Variants in PDCD1 observed in about 807,000 individuals in gnomAD.
PDCD1 encodes programmed cell death protein 1.
In PDCD1, 10 loss-of-function variants were observed where a neutral mutation model predicts 23.6. The ratio of observed to expected loss-of-function variants is 0.42; its 90% CI spans 0.26 to 0.72. The LOEUF (loss-of-function observed/expected upper bound fraction) is 0.72. Ranked by LOEUF, PDCD1 falls within the 30% of genes least tolerant of loss-of-function variation. PDCD1 has a pLI of 0.24. For missense variants in PDCD1, 313 were observed against 397.8 expected, an observed-to-expected ratio of 0.79 and a Z score of 1.81; for synonymous variants, 168 against 169.3, an observed-to-expected ratio of 0.99 and a Z score of 0.06.
chr2:241,853,002 G>A lies in PDCD1; in HGVS notation c.77-22C>T, dbSNP rs1700940358. ...GAGTCTGAGAGATGGAGAGAGGTGA[G>A]GAAGGGGCTGGGTGGCCCCACAAAG... On this transcript the variant is annotated intron_variant, in intron 1 of 4. Coordinates refer to ENST00000334409, the MANE Select transcript of PDCD1 (RefSeq NM_005018.3). 1.3e-6 allele frequency: 2 copies of A among 1,535,876 alleles called. 1 individual carries two copies. The highest frequency in any genetic ancestry group is 3.4e-4 in the Middle Eastern group (2 of 5,816).
chr2:241,857,997 A>T (rs893854313), intron 1 of PDCD1, among the ~76,000 whole-genome samples: 3 of 152,138 alleles, frequency 2.0e-5, no homozygotes, highest in Non-Finnish European at 4.4e-5. Flanking sequence ...GTCACAGTGT[A>T]CACAGAGGGC....
Position 241,850,927 on chromosome 2 carries a change from G to T in PDCD1, c.*131C>A, listed in dbSNP as rs372852820. The T allele has an allele frequency of 1.7e-6, 2 of 1,189,842 alleles. No individual in the cohort carries two copies. The highest frequency in any genetic ancestry group is 5.4e-5 in the Admixed American group (2 of 36,846). 73.7% of individuals were successfully genotyped at this position (1,189,842 alleles called of 1,614,324 possible). On this transcript the variant is annotated 3_prime_UTR_variant, in exon 5 of 5. Coordinates refer to ENST00000334409, the MANE Select transcript of PDCD1 (RefSeq NM_005018.3). The stretch of plus-strand genomic sequence containing the variant: ...TGGTGCAGGTGCAGGCTGGAGCCCC[G>T]GTCGCCCCCAGGCAGCTCAGCCCCT...
chr2:241,852,671 G>A lies in PDCD1; in HGVS notation c.386C>T (p.Ala129Val), dbSNP rs985470026. The A allele has an allele frequency of 6.8e-6, 11 of 1,613,198 alleles. No individual in the cohort carries two copies. The highest frequency in any genetic ancestry group is 2.7e-5 in the African/African-American group (2 of 74,920). The part of the protein sequence containing the change: ...GTYLCGAISL[A>V]PKAQIKESLR... ...GCTCTCTTTGATCTGCGCCTTGGGG[G>A]CCAGGGAGATGGCCCCACAGAGGTA... The change falls in exon 2 of 5, where the codon GCC (alanine) becomes GTC (valine). Residue 129 changes from alanine (A) to valine (V), a missense_variant. Transcript: ENST00000334409.
intron 3 of PDCD1, 107 bp from the exon 4 acceptor site, chr2:241,852,090 T>TG (rs1700914312): frequency 1.8e-5 from 4 of 221,308 alleles, no homozygotes; most frequent in East Asian, 2.9e-4. Context: ...GGCGGGGAGA[T>TG]GGGGGGAGGT....
intron 1 of PDCD1, among the ~76,000 whole-genome samples, chr2:241,854,278 C>A (rs2124864579): frequency 6.6e-6 from 1 of 152,360 alleles, no homozygotes; most frequent in South Asian, 2.1e-4. Context: ...CACCTGCGTG[C>A]CTGTCCCCCA....
chr2:241,857,957 C>T (rs200085104), intron 1 of PDCD1, among the ~76,000 whole-genome samples: 7 of 135,206 alleles, frequency 5.2e-5, no homozygotes, highest in Middle Eastern at 3.5e-3. Context: ...GAGGGCCAGC[C>T]GGGCACAGAG....
chr2:241,851,186 C>T lies in PDCD1; in HGVS notation c.739G>A (p.Glu247Lys). Residue 247 changes from glutamate (E) to lysine (K), a missense_variant, in exon 5 of 5, where the codon GAG (glutamate) becomes AAG (lysine). By Grantham distance (56) the Glu-to-Lys change is moderately conservative. Around this residue, in one of 3 missense-constraint regions of PDCD1, gnomAD observed 158 missense variants for 177.5 expected, o/e 0.89. Transcript: ENST00000334409. ...PPVPCVPEQTEYATIVFPSGM... is the reference protein window; with the variant it reads ...PPVPCVPEQTKYATIVFPSGM... The stretch of plus-strand genomic sequence containing the variant: ...CTAGGAAAGACAATGGTGGCATACT[C>T]CGTCTGCTCAGGGACACAGGGCACG... 1 of 1,613,724 alleles carries T rather than the reference C, an allele frequency of 6.2e-7. No individual in the cohort carries two copies. The highest frequency in any genetic ancestry group is 8.5e-7 in the Non-Finnish European group (1 of 1,180,000).
rs572684074 is a variant in PDCD1, at chr2:241,857,454, C to CG, written c.76+1308dup. Among the ~76,000 whole-genome samples, 21 of 152,268 alleles carry CG rather than the reference C, an allele frequency of 1.4e-4. No homozygotes were observed. In the East Asian group the frequency reaches 2.3e-3, roughly 17 times the overall value. The stretch of plus-strand genomic sequence containing the variant: ...AGGGCGTGCCTGAAGAGCCGGGACA[C>CG]GGGGGGAGAGGCTCGGCTCCCCTCC... On this transcript the variant is annotated intron_variant, in intron 1 of 4. Coordinates refer to ENST00000334409, the MANE Select transcript of PDCD1 (RefSeq NM_005018.3).
chr2:241,851,173 A>G lies in PDCD1; in HGVS notation c.752T>C (p.Ile251Thr), dbSNP rs2124856153. 6.2e-7 allele frequency: 1 copy of G among 1,613,446 alleles called. No individual in the cohort carries two copies. Among genetic ancestry groups the G allele is most frequent in the Non-Finnish European group, 8.5e-7 (1 of 1,179,912 alleles). Residue 251 changes from isoleucine to threonine, a missense_variant, in exon 5 of 5, where the codon ATT (isoleucine) becomes ACT (threonine). This residue lies in a region of PDCD1 where 158 missense variants were observed against 177.5 expected (regional missense o/e 0.89). Coordinates refer to ENST00000334409, the MANE Select transcript of PDCD1 (RefSeq NM_005018.3). ...CVPEQTEYAT[I>T]VFPSGMGTSS... ...GGTGCCCATTCCGCTAGGAAAGACA[A>G]TGGTGGCATACTCCGTCTGCTCAGG... is the stretch of plus-strand genomic sequence containing the variant.
chr2:241,856,005 TG>T (rs1427530104), intron 1 of PDCD1, among the ~76,000 whole-genome samples: 1 of 152,182 alleles, frequency 6.6e-6, no homozygotes, highest in Non-Finnish European at 1.5e-5. Context: ...GGCACAGGGC[TG>T]GGTGGCCATT....
chr2:241,852,063 C>A, intron 3 of PDCD1, 80 bp from the exon 4 acceptor site: 1 of 1,367,728 alleles, frequency 7.3e-7, no homozygotes. Flanking sequence ...CAGGGGCCTT[C>A]ATCAGGGACT....
At chr2:241,855,888 C>A (rs1701014666) in intron 1 of PDCD1, among the ~76,000 whole-genome samples, 1 of 152,184 alleles carries the variant, frequency 6.6e-6, no homozygotes, top group South Asian at 2.1e-4. Context: ...GGGCTGTGGG[C>A]CGAACCGTGT....
At chr2:241,852,100 T>C (rs879019464) in intron 3 of PDCD1, 98 bp downstream of exon 3, 2 of 236,614 alleles carry the variant, frequency 8.5e-6, no homozygotes, top group African/African-American at 1.1e-4. Flanking sequence ...TGGGGGGAGG[T>C]GGGGTGGGGT....
intron 1 of PDCD1, among the ~76,000 whole-genome samples, chr2:241,855,181 C>T (rs908472872): frequency 2.0e-5 from 3 of 152,058 alleles, no homozygotes; most frequent in African/African-American, 4.8e-5. Flanking sequence ...GCCCCTCGGC[C>T]TCCCCTGCCT....
rs116529638 is a variant in PDCD1, at chr2:241,855,214, G to C, written c.77-2234C>G. Among the ~76,000 whole-genome samples the C allele has an allele frequency of 8.4e-3, 1,283 of 151,934 alleles. 24 individuals are homozygous for C. The highest frequency in any genetic ancestry group is 0.03 in the African/African-American group (1,240 of 41,420). On this transcript the variant is annotated intron_variant, in intron 1 of 4. Transcript: ENST00000334409. Reference sequence around the variant, plus strand: ...CCTCCACCAACTGGCTGGGTGGGGTGGGGGCTAGACCTCGGTGTCTGCAGT... The same window carrying C: ...CCTCCACCAACTGGCTGGGTGGGGTCGGGGCTAGACCTCGGTGTCTGCAGT...
Position 241,852,665 on chromosome 2 carries a change from T to C in PDCD1, c.392A>G (p.Lys131Arg). ...CCGCAGGCTCTCTTTGATCTGCGCCTTGGGGGCCAGGGAGATGGCCCCACA... is the reference window on the plus strand; with the variant it reads ...CCGCAGGCTCTCTTTGATCTGCGCCCTGGGGGCCAGGGAGATGGCCCCACA... ...YLCGAISLAP[K>R]AQIKESLRAE... The change falls in exon 2 of 5, where the codon AAG becomes AGG. Residue 131 changes from lysine (K) to arginine (R), a missense_variant. This residue lies in a region of PDCD1 where 20 missense variants were observed against 53.3 expected (regional missense o/e 0.38). Coordinates refer to ENST00000334409, the MANE Select transcript of PDCD1 (RefSeq NM_005018.3). The C allele has an allele frequency of 6.2e-7, 1 of 1,613,238 alleles. No homozygotes were observed. The highest frequency in any genetic ancestry group is 8.5e-7 in the Non-Finnish European group (1 of 1,179,886).
rs980073650 is a variant in PDCD1, at chr2:241,850,325, G to A, written c.*733C>T. 8.5e-6 allele frequency: 2 copies of A among 234,760 alleles called. No individual in the cohort carries two copies. Among genetic ancestry groups the A allele is most frequent in the Non-Finnish European group, 1.7e-5 (2 of 119,104 alleles). 14.5% of individuals were successfully genotyped at this position (234,760 alleles called of 1,614,324 possible). A position where few individuals can be genotyped will look rare whatever the true frequency, so the allele number is the denominator to read the frequency against. On this transcript the variant is annotated 3_prime_UTR_variant, in exon 5 of 5. Transcript: ENST00000334409. Reference sequence around the variant, plus strand: ...GTGAGGGGCTGGGGTGGAATGCGGCGGCAGGAGGCCAGAGTGCTGGCTGGG... The same window carrying A: ...GTGAGGGGCTGGGGTGGAATGCGGCAGCAGGAGGCCAGAGTGCTGGCTGGG...
chr2:241,858,238 C>G (rs949438890), intron 1 of PDCD1, among the ~76,000 whole-genome samples: 1 of 152,256 alleles, frequency 6.6e-6, no homozygotes, highest in Non-Finnish European at 1.5e-5. Context: ...ACCAGCTCAT[C>G]TAAACTTTGA....
In PDCD1 at chr2:241,858,799, C is replaced by T; in HGVS notation, c.40G>A (p.Val14Met). ...CCTGGCCGCCAGCCCAGTTGTAGCA[C>T]CGCCCAGACGACTGGCCAGGGCGCC... ...PQAPWPVVWAVLQLGWRPGWF... is the reference protein window; with the variant it reads ...PQAPWPVVWAMLQLGWRPGWF... Residue 14 changes from valine (V) to methionine (M), a missense_variant, in exon 1 of 5, where the codon GTG becomes ATG. This residue lies in a region of PDCD1 where 135 missense variants were observed against 166.9 expected (regional missense o/e 0.81). Coordinates refer to ENST00000334409, the MANE Select transcript of PDCD1 (RefSeq NM_005018.3). The T allele has an allele frequency of 6.3e-7, 1 of 1,592,174 alleles. No individual in the cohort carries two copies. Among genetic ancestry groups the T allele is most frequent in the Non-Finnish European group, 8.5e-7 (1 of 1,169,894 alleles).
Sources: gnomAD v4.1 joint callset for allele counts (sites outside exome capture counted in the v4.1 genomes callset) on GRCh38, gnomAD v4.1.1 for gene constraint, gnomAD v4.1.1 regional missense constraint, MANE v1.5 for transcripts, NCBI Gene and HGNC (gene_info 2026-07-23, HGNC 2026-07-21) for gene names.